Variants in SCAMP1 observed in about 807,000 individuals in gnomAD.
The protein encoded by SCAMP1 is secretory carrier-associated membrane protein 1.
Under a neutral mutation model 41.8 loss-of-function variants are expected in SCAMP1, and 15 were observed. The ratio of observed to expected loss-of-function variants is 0.36; its 90% CI spans 0.24 to 0.55. The LOEUF is 0.55. Among genes scored for constraint, SCAMP1 ranks in the 20% least tolerant of loss-of-function variants. SCAMP1 has a pLI of 0.86. For synonymous variants in SCAMP1, 135 were observed against 136.8 expected, an observed-to-expected ratio of 0.99 and a Z score of 0.09; for missense variants, 341 against 412.6, an observed-to-expected ratio of 0.83 and a Z score of 1.50.
At chr5:78,394,542 A>G (rs1452616677) in intron 2 of SCAMP1, among the ~76,000 whole-genome samples, 1 of 152,158 alleles carries the variant, frequency 6.6e-6, no homozygotes, top group Non-Finnish European at 1.5e-5. Flanking sequence ...TAGTATTAGT[A>G]TCTCTTGAAA....
chr5:78,371,768 A>G (rs1036392036), intron 1 of SCAMP1, among the ~76,000 whole-genome samples: 2 of 152,200 alleles, frequency 1.3e-5, no homozygotes, highest in Non-Finnish European at 2.9e-5. Context: ...TGCTTCCTTA[A>G]AAGAAATACT....
intron 6 of SCAMP1, among the ~76,000 whole-genome samples, chr5:78,443,168 G>A (rs545289030): frequency 1.5e-5 from 2 of 135,124 alleles, no homozygotes; most frequent in South Asian, 2.3e-4. Context: ...AGCTGAGATC[G>A]TACCACTGCA....
Position 78,416,541 on chromosome 5 carries a change from G to A in SCAMP1, c.235G>A (p.Glu79Lys). Residue 79 changes from glutamate to lysine, a missense_variant and splice_region_variant, in exon 4 of 9, where the codon GAA becomes AAA. Transcript: ENST00000621999. ...EHPAYTQIAKEHALAQAELLK... is the reference protein window; with the variant it reads ...EHPAYTQIAKKHALAQAELLK... ...TCACATATTGATATTTTTTATTTAG[G>A]AACATGCATTGGCCCAAGCTGAACT... The A allele has an allele frequency of 6.3e-7, 1 of 1,582,530 alleles. No individual in the cohort carries two copies. Among genetic ancestry groups the A allele is most frequent in the Non-Finnish European group, 8.6e-7 (1 of 1,164,522 alleles).
intron 7 of SCAMP1, among the ~76,000 whole-genome samples, chr5:78,458,751 G>A (rs879587510): frequency 6.6e-6 from 1 of 152,030 alleles, no homozygotes; most frequent in East Asian, 1.9e-4. Flanking sequence ...GTGGTGGCAC[G>A]CACCTGTAAT....
chr5:78,410,678 G>A (rs1054693448), intron 2 of SCAMP1, among the ~76,000 whole-genome samples: 1 of 152,002 alleles, frequency 6.6e-6, no homozygotes, highest in Non-Finnish European at 1.5e-5. Flanking sequence ...GGGATTGCTG[G>A]GTCAAATCGT....
intron 1 of SCAMP1, among the ~76,000 whole-genome samples, chr5:78,382,632 A>T (rs1751231740): frequency 6.6e-6 from 1 of 152,156 alleles, no homozygotes; most frequent in Non-Finnish European, 1.5e-5. Context: ...TTGTGTCCTC[A>T]TAACTTAACT....
intron 8 of SCAMP1, among the ~76,000 whole-genome samples, chr5:78,465,787 A>G (rs944508090): frequency 6.6e-6 from 1 of 152,172 alleles, no homozygotes; most frequent in Non-Finnish European, 1.5e-5. Context: ...TCTGATATCA[A>G]GAGGGCAGGC....
intron 8 of SCAMP1, among the ~76,000 whole-genome samples, chr5:78,469,890 T>TAAAAAAAAAAAAAAAAAAAAAAAAAAAA: frequency 6.7e-5 from 1 of 15,020 alleles, no homozygotes; most frequent in Admixed American, 1.1e-3. Flanking sequence ...TACAAGACAT[T>TAAAAAAAAAAAAAAAAAAAAAAAAAAAA]AAAAAAAAAA....
At chr5:78,386,719 C>A (rs1165679301) in intron 1 of SCAMP1, among the ~76,000 whole-genome samples, 1 of 152,076 alleles carries the variant, frequency 6.6e-6, no homozygotes, top group Non-Finnish European at 1.5e-5. Context: ...ATTTATAAAG[C>A]TTAGTTTTGC....
At chr5:78,451,345 A>G (rs1753220756) in intron 7 of SCAMP1, among the ~76,000 whole-genome samples, 2 of 152,220 alleles carry the variant, frequency 1.3e-5, no homozygotes, top group Admixed American at 6.5e-5. Context: ...ACCCAATGGT[A>G]ATAATCTTGT....
intron 6 of SCAMP1, among the ~76,000 whole-genome samples, chr5:78,434,727 A>T (rs1241964952): frequency 6.6e-6 from 1 of 152,206 alleles, no homozygotes; most frequent in Non-Finnish European, 1.5e-5. Flanking sequence ...CATCATTTGC[A>T]CTTCAGAGTA....
At chr5:78,449,805 GT>G (rs1184137958) in intron 6 of SCAMP1, 127 bp from the exon 7 acceptor site, 1 of 561,546 alleles carries the variant, frequency 1.8e-6, no homozygotes, top group African/African-American at 2.0e-5. Context: ...ACTTTTTTTT[GT>G]TTGTGCTTTT....
intron 6 of SCAMP1, among the ~76,000 whole-genome samples, chr5:78,448,246 C>T (rs1753120592): frequency 6.9e-6 from 1 of 144,390 alleles, no homozygotes. Context: ...TGCCCAGGCT[C>T]ATGTCAAACT....
At chr5:78,364,056 A>C (rs1750733525) in intron 1 of SCAMP1, among the ~76,000 whole-genome samples, 1 of 152,242 alleles carries the variant, frequency 6.6e-6, no homozygotes, top group South Asian at 2.1e-4. Flanking sequence ...TCAACATGTA[A>C]TTATTGAAGA....
intron 6 of SCAMP1, among the ~76,000 whole-genome samples, chr5:78,449,082 A>G (rs1418472299): frequency 2.0e-5 from 3 of 152,070 alleles, no homozygotes; most frequent in Non-Finnish European, 4.4e-5. Flanking sequence ...AGTTAAACGT[A>G]TACCTATGAT....
chr5:78,394,118 A>G (rs912947567), intron 2 of SCAMP1, among the ~76,000 whole-genome samples: 1 of 152,100 alleles, frequency 6.6e-6, no homozygotes, highest in African/African-American at 2.4e-5. Flanking sequence ...CACAAGAGAA[A>G]ATTCCAGGTA....
At chr5:78,469,890 T>TAAAAAAAAAAAAAAAA (rs141989832) in intron 8 of SCAMP1, among the ~76,000 whole-genome samples, 1 of 15,020 alleles carries the variant, frequency 6.7e-5, no homozygotes, top group African/African-American at 1.5e-4. Context: ...TACAAGACAT[T>TAAAAAAAAAAAAAAAA]AAAAAAAAAA....
At chr5:78,372,487 C>T (rs1750965474) in intron 1 of SCAMP1, among the ~76,000 whole-genome samples, 1 of 152,032 alleles carries the variant, frequency 6.6e-6, no homozygotes, top group African/African-American at 2.4e-5. Context: ...GGATTCATCC[C>T]CTGCTAGCCT....
chr5:78,443,838 T>C (rs1351264342), intron 6 of SCAMP1, among the ~76,000 whole-genome samples: 2 of 151,868 alleles, frequency 1.3e-5, no homozygotes, highest in East Asian at 1.9e-4. Context: ...TTATTTTTAA[T>C]AGAGATGAGG....
Sources: allele counts gnomAD v4.1 joint callset (sites outside exome capture counted in the v4.1 genomes callset), GRCh38; gene constraint gnomAD v4.1.1; transcripts MANE v1.5; gene names NCBI Gene and HGNC (gene_info 2026-07-23, HGNC 2026-07-21).